USP12: variants seen among roughly 807,000 people sequenced by gnomAD.
The protein encoded by USP12 is ubiquitin carboxyl-terminal hydrolase 12.
In USP12, 19 loss-of-function variants were observed where a neutral mutation model predicts 45.5. The ratio of observed to expected loss-of-function variants is 0.42; its 90% CI spans 0.29 to 0.61. The LOEUF is 0.61. Ranked by LOEUF, USP12 falls within the 20% of genes least tolerant of loss-of-function variation. The pLI, the probability that USP12 is intolerant of heterozygous loss-of-function variation, is 0.22. For missense variants in USP12, 242 were observed against 447.7 expected (o/e 0.54, Z 4.15); for synonymous variants, 149 against 148.8 (o/e 1.00, Z -0.01).
chr13:27,156,393 T>G (rs539801791), intron 1 of USP12, among the ~76,000 whole-genome samples: 1 of 152,176 alleles, frequency 6.6e-6, no homozygotes, highest in Non-Finnish European at 1.5e-5. Flanking sequence ...TAAACTATAA[T>G]AAAAAAGAAA....
At chr13:27,137,202 A>G (rs1876845732) in intron 1 of USP12, among the ~76,000 whole-genome samples, 1 of 152,206 alleles carries the variant, frequency 6.6e-6, no homozygotes, top group Admixed American at 6.5e-5. Context: ...GGGTTGTCCA[A>G]GGAAGCCTCA....
At chr13:27,111,245 T>C (rs1015563371) in intron 2 of USP12, among the ~76,000 whole-genome samples, 1 of 152,196 alleles carries the variant, frequency 6.6e-6, no homozygotes, top group African/African-American at 2.4e-5. Context: ...TTTTGAAACT[T>C]TTCCTTCAAT....
chr13:27,152,033 G>T (rs537893634), intron 1 of USP12, among the ~76,000 whole-genome samples: 8 of 152,214 alleles, frequency 5.3e-5, no homozygotes, highest in Non-Finnish European at 1.0e-4. Context: ...AGAGAAATGG[G>T]AACAGCCATA....
chr13:27,156,593 G>A (rs544745803), intron 1 of USP12, among the ~76,000 whole-genome samples: 24 of 152,184 alleles, frequency 1.6e-4, no homozygotes, highest in Non-Finnish European at 2.9e-4. Context: ...CAAGACAGGC[G>A]GATCACCTGA....
Position 27,149,600 on chromosome 13 carries a change from T to C in USP12, c.48+21992A>G, listed in dbSNP as rs146760861. Reference sequence around the variant, plus strand: ...ATAAAACTATGGAGTAGAATAGTGGTTACTAGAGTAGAGGCTGCAGATGTG... The same window carrying C: ...ATAAAACTATGGAGTAGAATAGTGGCTACTAGAGTAGAGGCTGCAGATGTG... On this transcript the variant is annotated intron_variant, in intron 1 of 8. Transcript: ENST00000282344. Among the ~76,000 whole-genome samples the C allele has an allele frequency of 5.3e-5, 8 of 152,288 alleles. No individual in the cohort carries two copies. In the South Asian group the frequency reaches 1.7e-3, roughly 32 times the overall value.
intron 7 of USP12, 25 bp from the exon 8 acceptor site, chr13:27,071,174 A>G (rs758779069): frequency 1.9e-6 from 3 of 1,560,360 alleles, no homozygotes; most frequent in Non-Finnish European, 2.6e-6. Context: ...GAAGAAGTTA[A>G]TTCAATATAT....
intron 7 of USP12, 110 bp from the exon 8 acceptor site, chr13:27,071,259 G>C (rs1158891431): frequency 8.8e-6 from 8 of 907,616 alleles, no homozygotes; most frequent in African/African-American, 3.4e-5. Flanking sequence ...CAGTAAAAAA[G>C]AACTGCTTCT....
At chr13:27,142,876 C>G (rs979523716) in intron 1 of USP12, among the ~76,000 whole-genome samples, 1 of 151,616 alleles carries the variant, frequency 6.6e-6, no homozygotes, top group Non-Finnish European at 1.5e-5. Flanking sequence ...AGGCTGATCA[C>G]GAGGTCAGGA....
intron 1 of USP12, among the ~76,000 whole-genome samples, chr13:27,144,539 G>A (rs1877222235): frequency 6.9e-6 from 1 of 145,764 alleles, no homozygotes. Flanking sequence ...GTCAACTTGA[G>A]ACTGCTATAT....
chr13:27,090,271 C>T lies in USP12; in HGVS notation c.574-113G>A, dbSNP rs1436785060. Reference sequence around the variant, plus strand: ...TATCAGTAAGTAAACAATTCTTTTCCCTCAAGTTCAAAAGAGAACTACTTA... The same window carrying T: ...TATCAGTAAGTAAACAATTCTTTTCTCTCAAGTTCAAAAGAGAACTACTTA... On this transcript the variant is annotated intron_variant, in intron 4 of 8. Transcript: ENST00000282344. 6.0e-6 allele frequency: 5 copies of T among 832,774 alleles called. No individual in the cohort carries two copies. The Admixed American group carries it at 1.1e-4, about 18-fold the overall frequency. The allele number at this position is 832,774 out of a possible 1,614,324, so 51.6% of individuals were successfully genotyped here.
Position 27,105,867 on chromosome 13 carries a change from C to T in USP12, c.207G>A (p.Ala69=), listed in dbSNP as rs142426104. The T allele has an allele frequency of 4.0e-5, 64 of 1,613,690 alleles. No homozygotes were observed. Among genetic ancestry groups the T allele is most frequent in the Admixed American group, 2.8e-4 (17 of 59,992 alleles). The change falls in exon 3 of 9, where the codon GCG becomes GCA. Residue 69 remains alanine (A), a synonymous_variant. Coordinates refer to ENST00000282344, the MANE Select transcript of USP12 (RefSeq NM_182488.4). ...CCTTTTTCCTAGGTTGACTCTTATA[C>T]GCAAGAACTTTTTCCCGAAATGGAC... ...FCRPFREKVL[A]YKSQPRKKES...
At chr13:27,135,008 G>A (rs1482851989) in intron 1 of USP12, among the ~76,000 whole-genome samples, 1 of 152,210 alleles carries the variant, frequency 6.6e-6, no homozygotes, top group East Asian at 1.9e-4. Flanking sequence ...AACAAGGCCA[G>A]GTGCTGTGGC....
intron 6 of USP12, among the ~76,000 whole-genome samples, chr13:27,087,440 G>A (rs916132205): frequency 6.6e-5 from 10 of 152,172 alleles, no homozygotes; most frequent in African/African-American, 2.4e-4. Flanking sequence ...TGTGGTGGTG[G>A]CTACAAGATT....
intron 1 of USP12, among the ~76,000 whole-genome samples, chr13:27,117,085 A>AGGG (rs1875780524): frequency 3.9e-5 from 6 of 152,196 alleles, no homozygotes. Flanking sequence ...ATTGCTACCT[A>AGGG]ACACAAAGAA....
At chr13:27,143,398 C>G (rs1877161211) in intron 1 of USP12, among the ~76,000 whole-genome samples, 1 of 151,960 alleles carries the variant, frequency 6.6e-6, no homozygotes, top group South Asian at 2.1e-4. Context: ...AACAACAGTT[C>G]AACACTAGTT....
intron 1 of USP12, among the ~76,000 whole-genome samples, chr13:27,146,254 T>C (rs1390627413): frequency 1.3e-5 from 2 of 152,028 alleles, no homozygotes; most frequent in African/African-American, 4.8e-5. Context: ...ATACAAAAAT[T>C]AGCCAGGTGT....
intron 8 of USP12, 30 bp from the exon 9 acceptor site, chr13:27,069,414 T>C: frequency 1.3e-6 from 2 of 1,505,582 alleles, no homozygotes; most frequent in Non-Finnish European, 1.8e-6. Flanking sequence ...CATTAGTACA[T>C]AAATGAGCTC....
At chr13:27,108,749 G>T (rs918622555) in intron 2 of USP12, among the ~76,000 whole-genome samples, 1 of 152,180 alleles carries the variant, frequency 6.6e-6, no homozygotes, top group Non-Finnish European at 1.5e-5. Flanking sequence ...TTGCGGTCAG[G>T]AGTTTAAGAC....
At chr13:27,170,701 C>A in intron 1 of USP12, among the ~76,000 whole-genome samples, 1 of 152,236 alleles carries the variant, frequency 6.6e-6, no homozygotes, top group Non-Finnish European at 1.5e-5. Flanking sequence ...CCTAGGAAAA[C>A]AAATACCATC....
Sources: allele counts gnomAD v4.1 joint callset (sites outside exome capture counted in the v4.1 genomes callset), GRCh38; gene constraint gnomAD v4.1.1; transcripts MANE v1.5; gene names NCBI Gene and HGNC (gene_info 2026-07-23, HGNC 2026-07-21).